The following ACTN1 variants were observed in gnomAD, a reference collection of about 807,000 sequenced individuals.
ACTN1 encodes actinin alpha 1.
A neutral mutation model predicts 119.6 loss-of-function variants in ACTN1; 30 were observed. That is an observed-to-expected ratio of 0.25 (90% confidence interval 0.19 to 0.34). ACTN1 has a LOEUF of 0.34. Among genes scored for constraint, ACTN1 ranks in the 10% least tolerant of loss-of-function variants. The probability of loss-of-function intolerance (pLI) is 1.00; values close to 1 mark genes in which losing one functional copy is unlikely to be tolerated. For synonymous variants in ACTN1, 429 were observed against 472.6 expected (o/e 0.91, Z 1.20); for missense variants, 764 against 1,223.4 (o/e 0.62, Z 5.60).
Position 68,893,671 on chromosome 14 carries a change from T to G in ACTN1, c.839A>C (p.Glu280Ala). ...GGTACCCACATCACTGGCCAGCTTC[T>G]CGTAGTCTTCCATAAGCTGCTCGTT... is the stretch of plus-strand genomic sequence containing the variant. ...QENEQLMEDY[E>A]KLASDLLEWI... Residue 280 changes from glutamate to alanine, a missense_variant, in exon 9 of 22, where the codon GAG becomes GCG. Around this residue, in one of 4 missense-constraint regions of ACTN1, gnomAD observed 544 missense variants for 912.0 expected, o/e 0.60. Transcript: ENST00000394419. 1 of 1,614,152 alleles carries G rather than the reference T, an allele frequency of 6.2e-7. No homozygotes were observed. The highest frequency in any genetic ancestry group is 8.5e-7 in the Non-Finnish European group (1 of 1,180,002).
chr14:68,951,051 C>T (rs868671128), intron 1 of ACTN1, among the ~76,000 whole-genome samples: 2 of 152,288 alleles, frequency 1.3e-5, no homozygotes, highest in South Asian at 2.1e-4. Context: ...TCCCAAGAAG[C>T]GACGAAGGCA....
Position 68,878,786 on chromosome 14 carries a change from C to T in ACTN1, c.2361+203G>A. 1 of 1,570,954 alleles carries T rather than the reference C, an allele frequency of 6.4e-7. No individual in the cohort carries two copies. The highest frequency in any genetic ancestry group is 8.6e-7 in the Non-Finnish European group (1 of 1,166,466). On this transcript the variant is annotated intron_variant, in intron 19 of 21. Transcript: ENST00000394419. The surrounding 1 kb of genome is among the most constrained non-coding windows in gnomAD (Gnocchi z 4.4). ...AGCAGCGAGGACGGAAGACAGCGGG[C>T]ACCCAGTAGGTTGCCATGAAAGACA... is the stretch of plus-strand genomic sequence containing the variant.
chr14:68,903,696 C>T (rs2033490637), intron 7 of ACTN1, among the ~76,000 whole-genome samples: 1 of 152,194 alleles, frequency 6.6e-6, no homozygotes, highest in Non-Finnish European at 1.5e-5. Flanking sequence ...AGTCAGGCTC[C>T]TCCCAAGGGG....
intron 1 of ACTN1, among the ~76,000 whole-genome samples, chr14:68,947,032 T>C (rs985055516): frequency 2.6e-5 from 4 of 152,170 alleles, no homozygotes; most frequent in Non-Finnish European, 5.9e-5. Flanking sequence ...CCCGTGAAGA[T>C]GGAATGACAC....
chr14:68,895,718 C>T (rs768644497), intron 8 of ACTN1, among the ~76,000 whole-genome samples: 20 of 152,234 alleles, frequency 1.3e-4, no homozygotes, highest in Non-Finnish European at 2.5e-4. Flanking sequence ...CACCTTGTTA[C>T]TCTCCTGATC....
Position 68,884,886 on chromosome 14 carries a change from G to T in ACTN1, c.1386-3C>A. On this transcript the variant is annotated splice_polypyrimidine_tract_variant and splice_region_variant and intron_variant, in intron 12 of 21. Coordinates refer to ENST00000394419, the MANE Select transcript of ACTN1 (RefSeq NM_001130004.2). ...GTGAGTCATAATAGTCCAGCTCACT[G>T]GGGAGGGAAGAGACAAGGAAGTCAG... 1 of 1,609,850 alleles carries T rather than the reference G, an allele frequency of 6.2e-7. No homozygotes were observed. The highest frequency in any genetic ancestry group is 1.1e-5 in the South Asian group (1 of 91,000).
At position 68,883,676 on chromosome 14, in the gene ACTN1, G is replaced by C. The variant is rs1410526078; in HGVS notation, c.1635+492C>G. 2.0e-5 allele frequency among the ~76,000 whole-genome samples: 3 copies of C among 152,160 alleles called. No homozygotes were observed. The East Asian group carries it at 5.8e-4, about 29-fold the overall frequency. ...GCCTGTAGTCCCAGCTACTAGGGAG[G>C]CTGCAGCAGGAGGATCGCTTAAGCC... On this transcript the variant is annotated intron_variant, in intron 14 of 21. Coordinates refer to ENST00000394419, the MANE Select transcript of ACTN1 (RefSeq NM_001130004.2).
At chr14:68,921,762 A>G (rs2034665251) in intron 2 of ACTN1, among the ~76,000 whole-genome samples, 1 of 152,128 alleles carries the variant, frequency 6.6e-6, no homozygotes, top group Admixed American at 6.5e-5. Context: ...TGGTGTTTAA[A>G]TGGAGTTGCC....
At chr14:68,937,732 G>A (rs1594846155) in intron 1 of ACTN1, among the ~76,000 whole-genome samples, 2 of 152,298 alleles carry the variant, frequency 1.3e-5, no homozygotes, top group East Asian at 1.9e-4. Flanking sequence ...TCTGATGGTC[G>A]TTCTTCTCCC....
intron 3 of ACTN1, among the ~76,000 whole-genome samples, chr14:68,914,334 T>C (rs1338779143): frequency 6.6e-6 from 1 of 152,206 alleles, no homozygotes; most frequent in Non-Finnish European, 1.5e-5. Context: ...TGAAAAATAC[T>C]AAACTCTCAA....
chr14:68,940,854 G>A (rs1422563638), intron 1 of ACTN1, among the ~76,000 whole-genome samples: 1 of 152,134 alleles, frequency 6.6e-6, no homozygotes, highest in Non-Finnish European at 1.5e-5. Flanking sequence ...GATCCTGCTT[G>A]GACAAGGAAG....
intron 6 of ACTN1, among the ~76,000 whole-genome samples, chr14:68,907,607 A>T (rs145918204): frequency 7.6e-4 from 116 of 152,304 alleles, no homozygotes; most frequent in African/African-American, 2.8e-3. Context: ...ACAGAAGGAG[A>T]GGCAGAGACA....
chr14:68,888,180 C>T (rs1192910185), intron 11 of ACTN1: 2 of 483,786 alleles, frequency 4.1e-6, no homozygotes, highest in African/African-American at 2.0e-5. Flanking sequence ...CCACTCCTCA[C>T]GCCCAGGATA....
Position 68,885,405 on chromosome 14 carries a change from G to C in ACTN1, c.1385+20C>G. The stretch of plus-strand genomic sequence containing the variant: ...GCCTCAGCCCCTCACCACAGGGTAG[G>C]GGTGTCTGGGGCCACCTACTTGAGC... On this transcript the variant is annotated intron_variant, in intron 12 of 21. Transcript: ENST00000394419. This position sits in a 1 kb window ranked among gnomAD's most constrained non-coding sequence, Gnocchi z 5.6. The C allele has an allele frequency of 6.2e-7, 1 of 1,603,504 alleles. No homozygotes were observed. Among genetic ancestry groups the C allele is most frequent in the Non-Finnish European group, 8.5e-7 (1 of 1,173,504 alleles).
intron 8 of ACTN1, among the ~76,000 whole-genome samples, chr14:68,895,409 T>C (rs920641382): frequency 6.6e-6 from 1 of 152,140 alleles, no homozygotes; most frequent in African/African-American, 2.4e-5. Flanking sequence ...TCCTGGAGCC[T>C]GTCTAGGAGA....
chr14:68,917,911 C>T (rs1276846467), intron 3 of ACTN1, among the ~76,000 whole-genome samples: 2 of 152,028 alleles, frequency 1.3e-5, no homozygotes, highest in Non-Finnish European at 2.9e-5. Context: ...ACTAAAAATA[C>T]AAAAATTAGC....
Position 68,880,671 on chromosome 14 carries a change from A to G in ACTN1, c.2133+139T>C. The G allele has an allele frequency of 2.4e-6, 2 of 843,010 alleles. No homozygotes were observed. The highest frequency in any genetic ancestry group is 1.9e-6 in the Non-Finnish European group (1 of 535,716). The allele number at this position is 843,010 out of a possible 1,614,324, so 52.2% of individuals were successfully genotyped here. A position where few individuals can be genotyped will look rare whatever the true frequency, so the allele number is the denominator to read the frequency against. ...CCTTGGGAAAGCAGAAGGTACTAAA[A>G]ATTGAAGATGTGAGGCTTCAGGGGT... On this transcript the variant is annotated intron_variant, in intron 17 of 21. Coordinates refer to ENST00000394419, the MANE Select transcript of ACTN1 (RefSeq NM_001130004.2). This position sits in a 1 kb window ranked among gnomAD's most constrained non-coding sequence, Gnocchi z 4.6.
At chr14:68,967,749 G>A (rs1268371405) in intron 1 of ACTN1, among the ~76,000 whole-genome samples, 1 of 152,206 alleles carries the variant, frequency 6.6e-6, no homozygotes, top group African/African-American at 2.4e-5. Flanking sequence ...CCACTCAACT[G>A]GGACCCCACT....
At position 68,878,235 on chromosome 14, in the gene ACTN1, A is replaced by G; in HGVS notation, c.2427+223T>C. ...GAGAAGTACCAGAAGATGAAGTGGCACAGAGATTGAGGCGAGGAGGTCAGG... is the reference window on the plus strand; with the variant it reads ...GAGAAGTACCAGAAGATGAAGTGGCGCAGAGATTGAGGCGAGGAGGTCAGG... On this transcript the variant is annotated intron_variant, in intron 20 of 21. Transcript: ENST00000394419. The surrounding 1 kb of genome is among the most constrained non-coding windows in gnomAD (Gnocchi z 4.4). 1.9e-6 allele frequency: 1 copy of G among 525,798 alleles called. No homozygotes were observed. The highest frequency in any genetic ancestry group is 3.3e-6 in the Non-Finnish European group (1 of 306,282). The allele number at this position is 525,798 out of a possible 1,614,324, so 32.6% of individuals were successfully genotyped here. A position where few individuals can be genotyped will look rare whatever the true frequency, so the allele number is the denominator to read the frequency against.
Sources: gnomAD v4.1 joint callset for allele counts (sites outside exome capture counted in the v4.1 genomes callset) on GRCh38, gnomAD v4.1.1 for gene constraint, gnomAD v4.1.1 regional missense constraint, Gnocchi (gnomAD v3.1) non-coding constraint, MANE v1.5 for transcripts, NCBI Gene and HGNC (gene_info 2026-07-23, HGNC 2026-07-21) for gene names.